Variants in G3BP2 observed in about 807,000 individuals in gnomAD.
The protein encoded by G3BP2 is G3BP stress granule assembly factor 2.
In G3BP2, 11 loss-of-function variants were observed where a neutral mutation model predicts 56.7. The observed-to-expected ratio is 0.19, with a 90% CI of 0.12 to 0.32. The LOEUF is 0.32. Among genes scored for constraint, G3BP2 ranks in the 10% least tolerant of loss-of-function variants. The pLI, the probability that G3BP2 is intolerant of heterozygous loss-of-function variation, is 1.00. For synonymous variants in G3BP2, 165 were observed against 191.6 expected (o/e 0.86, Z 1.15); for missense variants, 340 against 610.9 (o/e 0.56, Z 4.67).
Position 75,655,102 on chromosome 4 carries a change from C to T in G3BP2, c.690G>A (p.Pro230=), listed in dbSNP as rs552885677. ...CTTGTGGCAGAGAAACAGGTTCTGC[C>T]GGAGGAGGAGTAGTAGATTTCTCCT... The part of the protein sequence containing the change: ...ELEEKSTTPP[P]AEPVSLPQEP... The change falls in exon 7 of 12, where the codon CCG becomes CCA. Residue 230 remains proline (P), a synonymous_variant. Transcript: ENST00000359707. 1.5e-5 allele frequency: 25 copies of T among 1,613,202 alleles called. No individual in the cohort carries two copies. The highest frequency in any genetic ancestry group is 3.3e-5 in the South Asian group (3 of 90,948).
intron 1 of G3BP2, among the ~76,000 whole-genome samples, chr4:75,671,986 T>C (rs922086981): frequency 1.3e-5 from 2 of 152,224 alleles, no homozygotes; most frequent in African/African-American, 4.8e-5. Flanking sequence ...GGGGCTCTCT[T>C]AACGACAGTT....
rs6148524 is a variant in G3BP2, at chr4:75,643,295, TTA to T, written c.*2133_*2134del. 43,557 of 99,856 alleles carry T rather than the reference TTA, an allele frequency of 0.44. 11,989 individuals are homozygous for T. Among genetic ancestry groups the T allele is most frequent in the East Asian group, 0.68 (3,255 of 4,800 alleles). The allele number at this position is 99,856 out of a possible 1,614,324, so 6.2% of individuals were successfully genotyped here. On this transcript the variant is annotated 3_prime_UTR_variant, in exon 12 of 12. Coordinates refer to ENST00000359707, the MANE Select transcript of G3BP2 (RefSeq NM_203505.3). The stretch of plus-strand genomic sequence containing the variant: ...GCAGGGCAATATCCTGAATTGGAAA[TTA>T]TATATATATATATATATATGGAAAC...
chr4:75,672,785 T>C (rs1269209091), intron 1 of G3BP2: 1 of 155,612 alleles, frequency 6.4e-6, no homozygotes, highest in Non-Finnish European at 1.4e-5. Context: ...CGAAAACGAT[T>C]CGGAAACAGG....
At chr4:75,709,712 G>GT (rs1283841527) in intron 3 of G3BP2, among the ~76,000 whole-genome samples, 1 of 152,072 alleles carries the variant, frequency 6.6e-6, no homozygotes, top group East Asian at 1.9e-4. Context: ...TTCAGAGATG[G>GT]GGTTAGGGGG....
At chr4:75,713,000 C>CA (rs559790097) in intron 3 of G3BP2, among the ~76,000 whole-genome samples, 3 of 151,880 alleles carry the variant, frequency 2.0e-5, no homozygotes, top group Non-Finnish European at 4.4e-5. Context: ...CAAAAGTGAT[C>CA]AAAAAACAAA....
intron 2 of G3BP2, among the ~76,000 whole-genome samples, chr4:75,659,892 A>G (rs1157680663): frequency 6.6e-6 from 1 of 152,206 alleles, no homozygotes; most frequent in Non-Finnish European, 1.5e-5. Flanking sequence ...TGTTTTCTAC[A>G]GAACAGTTTG....
In G3BP2 at chr4:75,644,392, T is replaced by C. The variant is rs1342424024; in HGVS notation, c.*1038A>G. The C allele has an allele frequency of 1.3e-5, 2 of 152,666 alleles. No homozygotes were observed. Among genetic ancestry groups the C allele is most frequent in the African/African-American group, 2.4e-5 (1 of 41,460 alleles). 9.5% of individuals were successfully genotyped at this position (152,666 alleles called of 1,614,324 possible). A position where few individuals can be genotyped will look rare whatever the true frequency, so the allele number is the denominator to read the frequency against. ...AGATAAATAATATGCTAGTCCATTT[T>C]ACTGATTTTAAAGATACTGCAATTT... On this transcript the variant is annotated 3_prime_UTR_variant, in exon 12 of 12. Coordinates refer to ENST00000359707, the MANE Select transcript of G3BP2 (RefSeq NM_203505.3).
chr4:75,683,077 C>T (rs934262081), intron 3 of G3BP2, among the ~76,000 whole-genome samples: 2 of 152,170 alleles, frequency 1.3e-5, no homozygotes, highest in African/African-American at 4.8e-5. Context: ...CAGAACACAG[C>T]CAGTCCCTCA....
At chr4:75,715,056 T>A (rs1217089932) in intron 3 of G3BP2, among the ~76,000 whole-genome samples, 1 of 152,218 alleles carries the variant, frequency 6.6e-6, no homozygotes, top group African/African-American at 2.4e-5. Context: ...AGTGGCAACA[T>A]CTGTCTAGGT....
At chr4:75,646,305 A>G (rs756652162) in intron 11 of G3BP2, 33 bp downstream of exon 11, 78 of 912,564 alleles carry the variant, frequency 8.5e-5, no homozygotes, top group Non-Finnish European at 1.3e-4. Context: ...CAGAAATAAT[A>G]AAGTCTTGAA....
intron 2 of G3BP2, among the ~76,000 whole-genome samples, chr4:75,660,672 C>A (rs1261493212): frequency 6.6e-6 from 1 of 152,162 alleles, no homozygotes; most frequent in Admixed American, 6.5e-5. Context: ...CAAATTGCTA[C>A]TAAAATGCTA....
At position 75,648,702 on chromosome 4, in the gene G3BP2, G is replaced by A. The variant is rs779591427; in HGVS notation, c.865C>T (p.Pro289Ser). The A allele has an allele frequency of 5.6e-6, 9 of 1,609,118 alleles. No homozygotes were observed. Among genetic ancestry groups the A allele is most frequent in the Non-Finnish European group, 6.8e-6 (8 of 1,176,168 alleles). Residue 289 changes from proline to serine, a missense_variant, in exon 9 of 12, where the codon CCT (proline) becomes TCT (serine). Coordinates refer to ENST00000359707, the MANE Select transcript of G3BP2 (RefSeq NM_203505.3). ...CTAGGTCGTTGTTCACGCACACGAG[G>A]TGGCTGAGATTGAACTTCTGGTTTA... ...EAKPEVQSQP[P>S]RVREQRPRER...
intron 1 of G3BP2, 80 bp from the exon 2 acceptor site, chr4:75,662,129 C>T (rs1478288681): frequency 1.3e-6 from 1 of 795,498 alleles, no homozygotes. Flanking sequence ...TCTTTTTAGC[C>T]AAATTTAGCA....
chr4:75,720,837 A>AAATC (rs1720140955), intron 3 of G3BP2, among the ~76,000 whole-genome samples: 1 of 144,546 alleles, frequency 6.9e-6, no homozygotes, highest in East Asian at 2.0e-4. Flanking sequence ...ATAAATAAAT[A>AAATC]AATAAAAATA....
intron 3 of G3BP2, among the ~76,000 whole-genome samples, chr4:75,691,302 A>ACTCCTGACCTCAGGTGATCTGCCCAC: frequency 6.6e-6 from 1 of 152,032 alleles, no homozygotes; most frequent in South Asian, 2.1e-4. Context: ...CTGGTCTCAA[A>ACTCCTGACCTCAGGTGATCTGCCCAC]CTCCTGACCT....
upstream of G3BP2, among the ~76,000 whole-genome samples, chr4:75,676,045 C>T (rs1047245058): frequency 2.6e-5 from 4 of 152,144 alleles, no homozygotes; most frequent in South Asian, 2.1e-4. Context: ...AAAGATTCAG[C>T]GATCTTCAAT....
chr4:75,645,800 A>G, intron 11 of G3BP2, 98 bp from the exon 12 acceptor site: 1 of 1,117,110 alleles, frequency 9.0e-7, no homozygotes, highest in Non-Finnish European at 1.3e-6. Context: ...AAGGAATAAA[A>G]CACTTTTATC....
chr4:75,655,315 T>C (rs572741144), intron 6 of G3BP2, 69 bp from the exon 7 acceptor site: 3 of 1,110,422 alleles, frequency 2.7e-6, no homozygotes, highest in Admixed American at 2.0e-5. Flanking sequence ...TTCTCTCTAA[T>C]CCAATGGGTG....
intron 3 of G3BP2, among the ~76,000 whole-genome samples, chr4:75,695,974 CAAAAAAAAAA>C (rs397807027): frequency 6.7e-4 from 8 of 11,944 alleles, no homozygotes; most frequent in Non-Finnish European, 1.2e-3. Context: ...AACTCTGTCT[CAAAAAAAAAA>C]AAAAAAAAAA....
Sources: allele counts gnomAD v4.1 joint callset (sites outside exome capture counted in the v4.1 genomes callset), GRCh38; gene constraint gnomAD v4.1.1; transcripts MANE v1.5; gene names NCBI Gene and HGNC (gene_info 2026-07-23, HGNC 2026-07-21).